The following DUOX2 variants were observed in gnomAD, a reference collection of about 807,000 sequenced individuals.
The protein encoded by DUOX2 is dual oxidase 2.
DUOX2 carries 185 observed loss-of-function variants against 183.3 expected under a neutral mutation model. That is an observed-to-expected ratio of 1.01 (90% CI 0.90 to 1.14). The LOEUF is 1.14. DUOX2 is among the 50% of genes most tolerant of loss of function. The probability of loss-of-function intolerance (pLI) is 0.00; values close to 1 mark genes in which losing one functional copy is unlikely to be tolerated. For missense variants in DUOX2, 1,999 were observed against 2,022.9 expected (o/e 0.99, Z 0.23); for synonymous variants, 788 against 812.4 (o/e 0.97, Z 0.51).
In DUOX2 at chr15:45,111,620, A is replaced by G. The variant is rs2576086; in HGVS notation, c.514-35T>C. 2.3e-3 allele frequency: 3,491 copies of G among 1,486,356 alleles called. 45 individuals are homozygous for G. Among genetic ancestry groups the G allele is most frequent in the African/African-American group, 5.2e-3 (351 of 67,488 alleles). 92.1% of individuals were successfully genotyped at this position (1,486,356 alleles called of 1,614,324 possible). A position where few individuals can be genotyped will look rare whatever the true frequency, so the allele number is the denominator to read the frequency against. Reference sequence around the variant, plus strand: ...ACGCGGCGGGTGAGCCCGGGTCGAGAGGCGGCGGCGGGCCAGGGAAGGCCG... The same window carrying G: ...ACGCGGCGGGTGAGCCCGGGTCGAGGGGCGGCGGCGGGCCAGGGAAGGCCG... On this transcript the variant is annotated intron_variant, in intron 5 of 33. Coordinates refer to ENST00000389039, the MANE Select transcript of DUOX2 (RefSeq NM_001363711.2).
At chr15:45,095,399 C>A (rs1296559793) in intron 31 of DUOX2, 38 bp downstream of exon 31, 3 of 1,613,802 alleles carry the variant, frequency 1.9e-6, no homozygotes, top group Admixed American at 3.3e-5. Context: ...AATTCGGCCA[C>A]CTATGCCCCA....
rs1418235576 is a variant in DUOX2, at chr15:45,112,613, G to C, written c.266C>G (p.Thr89Arg). The C allele has an allele frequency of 2.5e-6, 4 of 1,612,710 alleles. No individual in the cohort carries two copies. The African/African-American group carries it at 5.3e-5, about 22-fold the overall frequency. ...PNPRRLSNAA[T>R]RGIAGLPSLH... is the part of the protein sequence containing the mutation. ...CGACGGCAGGCCGGCTATGCCCCGC[G>C]TGGCTGCGTTGCTGAGCCGGCGCGG... The change falls in exon 4 of 34, where the codon ACG (threonine) becomes AGG (arginine). Residue 89 changes from threonine (T) to arginine (R), a missense_variant. Transcript: ENST00000389039.
intron 16 of DUOX2, 46 bp from the exon 17 acceptor site, chr15:45,106,373 G>T: frequency 6.2e-7 from 1 of 1,609,470 alleles, no homozygotes; most frequent in Non-Finnish European, 8.5e-7. Flanking sequence ...GATGTCCCCA[G>T]GTCCCCGCCT....
rs746131496 is a variant in DUOX2, at chr15:45,110,540, G to A, written c.944-16C>T. 34 of 1,613,890 alleles carry A rather than the reference G, an allele frequency of 2.1e-5. No individual in the cohort carries two copies. The highest frequency in any genetic ancestry group is 2.5e-5 in the Non-Finnish European group (30 of 1,179,936). The stretch of plus-strand genomic sequence containing the variant: ...GGACGGTATCCTGCAGGAAGGAGAC[G>A]GTGATGATGGGGAGACAGGCTTCTT... On this transcript the variant is annotated splice_polypyrimidine_tract_variant and intron_variant, in intron 8 of 33. Coordinates refer to ENST00000389039, the MANE Select transcript of DUOX2 (RefSeq NM_001363711.2).
chr15:45,099,727 T>G lies in DUOX2; in HGVS notation c.3350A>C (p.Tyr1117Ser). ...TFLRETFLNR[Y>S]VPFDAAVDFH... ...GTCCACTGCGGCATCAAAAGGCACATAGCGGTTGAGGAAAGTCTCTCGCAG... is the reference window on the plus strand; with the variant it reads ...GTCCACTGCGGCATCAAAAGGCACAGAGCGGTTGAGGAAAGTCTCTCGCAG... The change falls in exon 25 of 34, where the codon TAT (tyrosine) becomes TCT (serine). Residue 1117 changes from tyrosine (Y) to serine (S), a missense_variant. Transcript: ENST00000389039. 5 of 1,614,148 alleles carry G rather than the reference T, an allele frequency of 3.1e-6. No homozygotes were observed. The highest frequency in any genetic ancestry group is 4.2e-6 in the Non-Finnish European group (5 of 1,180,032).
chr15:45,096,288 T>A (rs1470322669), intron 29 of DUOX2, among the ~76,000 whole-genome samples: 6 of 152,084 alleles, frequency 3.9e-5, no homozygotes, highest in African/African-American at 1.4e-4. Context: ...TCCTCCTCTC[T>A]ACTCCCTCTT....
At chr15:45,096,665 G>A (rs1893908667) in intron 29 of DUOX2, among the ~76,000 whole-genome samples, 1 of 152,254 alleles carries the variant, frequency 6.6e-6, no homozygotes, top group South Asian at 2.1e-4. Context: ...GAGTAGAAAG[G>A]CATACTAACA....
intron 26 of DUOX2, 118 bp from the exon 27 acceptor site, chr15:45,098,176 C>G: frequency 1.1e-6 from 1 of 947,594 alleles, no homozygotes; most frequent in Non-Finnish European, 1.7e-6. Flanking sequence ...GGGCCTCCAC[C>G]CAGTTGGCCA....
At position 45,114,155 on chromosome 15, in the gene DUOX2, A is replaced by T. The variant is rs942193574; in HGVS notation, c.-197T>A. On this transcript the variant is annotated 5_prime_UTR_variant, in exon 1 of 34. Transcript: ENST00000389039. Reference sequence around the variant, plus strand: ...GCCACTGTGCAGGTGTCGGCTCAGGACAGACCTGCGCCAGTGTGAGCATCT... The same window carrying T: ...GCCACTGTGCAGGTGTCGGCTCAGGTCAGACCTGCGCCAGTGTGAGCATCT... 4 of 300,222 alleles carry T rather than the reference A, an allele frequency of 1.3e-5. No homozygotes were observed. The highest frequency in any genetic ancestry group is 6.4e-5 in the South Asian group (2 of 31,084). The allele number at this position is 300,222 out of a possible 1,614,324, so 18.6% of individuals were successfully genotyped here. A position where few individuals can be genotyped will look rare whatever the true frequency, so the allele number is the denominator to read the frequency against.
At chr15:45,101,700 GAA>G (rs1894084606) in intron 21 of DUOX2, 91 bp downstream of exon 21, 6 of 1,555,446 alleles carry the variant, frequency 3.9e-6, no homozygotes, top group Non-Finnish European at 5.3e-6. Flanking sequence ...CAAGGACTCA[GAA>G]AAGAGTAAGA....
Position 45,105,770 on chromosome 15 carries a change from A to T in DUOX2, c.2207T>A (p.Phe736Tyr), listed in dbSNP as rs143229362. ...GAGGCCCAGAGCCCAGCGCACGCAG[A>T]AGTCCCATAGCTGCTGCACAAAGGC... ...RGAFVQQLWD[F>Y]CVRWALGLHV... Residue 736 changes from phenylalanine (F) to tyrosine (Y), a missense_variant, in exon 18 of 34, where the codon TTC (phenylalanine) becomes TAC (tyrosine). By Grantham distance (22) the Phe-to-Tyr change is conservative (BLOSUM62 3). This residue lies in a region of DUOX2 where 1,628 missense variants were observed against 1,608.6 expected (regional missense o/e 1.01). Coordinates refer to ENST00000389039, the MANE Select transcript of DUOX2 (RefSeq NM_001363711.2). 2.7e-5 allele frequency: 43 copies of T among 1,614,134 alleles called. No individual in the cohort carries two copies. The African/African-American group carries it at 5.7e-4, about 22-fold the overall frequency.
At chr15:45,095,764 G>A in intron 30 of DUOX2, 64 bp downstream of exon 30, 5 of 1,561,878 alleles carry the variant, frequency 3.2e-6, no homozygotes, top group Admixed American at 3.5e-5. Context: ...TCTCAGGATA[G>A]GGAAGGGCAG....
intron 15 of DUOX2, 32 bp from the exon 16 acceptor site, chr15:45,106,673 G>C (rs1894223252): frequency 6.2e-7 from 1 of 1,608,172 alleles, no homozygotes; most frequent in South Asian, 1.1e-5. Context: ...AGTGAGGAGG[G>C]AGCCCCTCAC....
At chr15:45,097,563 G>C (rs1893938497) in intron 28 of DUOX2, 51 bp downstream of exon 28, 2 of 1,613,968 alleles carry the variant, frequency 1.2e-6, no homozygotes, top group East Asian at 4.5e-5. Flanking sequence ...TCACCTTCCT[G>C]TCCCATCCTG....
chr15:45,097,359 C>G lies in DUOX2; in HGVS notation c.3726G>C (p.Gln1242His). 6 of 1,614,272 alleles carry G rather than the reference C, an allele frequency of 3.7e-6. No homozygotes were observed. The highest frequency in any genetic ancestry group is 5.1e-6 in the Non-Finnish European group (6 of 1,180,054). ...GGAAGTAGATGTGGAAAGTGGGCAG[C>G]TGGATCAGAGCATAGCTGCCATGGA... is the stretch of plus-strand genomic sequence containing the variant. ...LIIHGSYALI[Q>H]LPTFHIYFLV... Residue 1242 changes from glutamine to histidine, a missense_variant, in exon 29 of 34, where the codon CAG (glutamine) becomes CAC (histidine). Gln to His is a conservative substitution (Grantham distance 24). Around this residue, in one of 3 missense-constraint regions of DUOX2, gnomAD observed 1,628 missense variants for 1,608.6 expected, o/e 1.01. Transcript: ENST00000389039.
chr15:45,110,310 T>A lies in DUOX2; in HGVS notation c.1040+118A>T. The A allele has an allele frequency of 3.0e-6, 3 of 1,004,524 alleles. No homozygotes were observed. The South Asian group carries it at 5.1e-5, about 17-fold the overall frequency. 62.2% of individuals were successfully genotyped at this position (1,004,524 alleles called of 1,614,324 possible). Reference sequence around the variant, plus strand: ...CAGGGTTCTGTTTCAGGGCCCCAAATTTTTGCTTCCCCTTCTCTAGTGAAA... The same window carrying A: ...CAGGGTTCTGTTTCAGGGCCCCAAAATTTTGCTTCCCCTTCTCTAGTGAAA... On this transcript the variant is annotated intron_variant, in intron 9 of 33. Transcript: ENST00000389039.
Position 45,110,607 on chromosome 15 carries a change from T to C in DUOX2, c.943+43A>G, listed in dbSNP as rs372260934. On this transcript the variant is annotated intron_variant, in intron 8 of 33. Transcript: ENST00000389039. ...ATCACAGGCACCTGTCTCCTTCCCC[T>C]CAGGATTCTCCGCACAGGTGTCCTC... is the stretch of plus-strand genomic sequence containing the variant. 11 of 1,613,692 alleles carry C rather than the reference T, an allele frequency of 6.8e-6. No homozygotes were observed. The Admixed American group carries it at 1.5e-4, about 22-fold the overall frequency.
chr15:45,112,572 C>G lies in DUOX2; in HGVS notation c.307G>C (p.Val103Leu), dbSNP rs148211186. The G allele has an allele frequency of 6.2e-6, 10 of 1,612,998 alleles. No individual in the cohort carries two copies. Among genetic ancestry groups the G allele is most frequent in the Admixed American group, 3.3e-5 (2 of 59,994 alleles). ...AGLPSLHNRTVLGVFFGYHVL... is the reference protein window; with the variant it reads ...AGLPSLHNRTLLGVFFGYHVL... ...CCCTCACCAAAGAAGACCCCCAGTA[C>G]GGTGCGGTTGTGGAGCGACGGCAGG... Residue 103 changes from valine (V) to leucine (L), a missense_variant, in exon 4 of 34, where the codon GTA becomes CTA. By Grantham distance (32) the Val-to-Leu change is conservative. This residue lies in a region of DUOX2 where 356 missense variants were observed against 356.4 expected (regional missense o/e 1.00). Coordinates refer to ENST00000389039, the MANE Select transcript of DUOX2 (RefSeq NM_001363711.2).
chr15:45,111,969 G>A lies in DUOX2; in HGVS notation c.326-14C>T, dbSNP rs1285354950. 5.6e-6 allele frequency: 9 copies of A among 1,612,702 alleles called. No individual in the cohort carries two copies. Among genetic ancestry groups the A allele is most frequent in the Non-Finnish European group, 7.6e-6 (9 of 1,179,740 alleles). On this transcript the variant is annotated splice_polypyrimidine_tract_variant and intron_variant, in intron 4 of 33. Transcript: ENST00000389039. Reference sequence around the variant, plus strand: ...GAACATGGTAGCCTGCGGGCATGGGGCGCCAATACGTGACAAACCGTCCGT... The same window carrying A: ...GAACATGGTAGCCTGCGGGCATGGGACGCCAATACGTGACAAACCGTCCGT...
Sources: allele counts gnomAD v4.1 joint callset (sites outside exome capture counted in the v4.1 genomes callset), GRCh38; gene constraint gnomAD v4.1.1; regional missense constraint gnomAD v4.1.1; transcripts MANE v1.5; gene names NCBI Gene and HGNC (gene_info 2026-07-23, HGNC 2026-07-21).